The following DACH2 variants were observed in gnomAD, a reference collection of about 807,000 sequenced individuals.
DACH2 encodes the protein dachshund family transcription factor 2.
In DACH2, 17 loss-of-function variants were observed where a neutral mutation model predicts 35.8. That is an observed-to-expected ratio of 0.48 (90% CI 0.33 to 0.71). The LOEUF (loss-of-function observed/expected upper bound fraction) is 0.71, where lower values mean the gene tolerates loss of function less well. Ranked by LOEUF, DACH2 falls within the 30% of genes least tolerant of loss-of-function variation. DACH2 has a pLI of 0.02. For synonymous variants in DACH2, 195 were observed against 177.3 expected, an observed-to-expected ratio of 1.10 and a Z score of -0.79; for missense variants, 469 against 472.7, an observed-to-expected ratio of 0.99 and a Z score of 0.07.
At chrX:86,199,425 C>T (rs1244512760) in intron 1 of DACH2, among the ~76,000 whole-genome samples, 1 of 111,217 alleles carries the variant, frequency 9.0e-6, no homozygotes, top group Non-Finnish European at 1.9e-5. Flanking sequence ...AGCAATCAGG[C>T]AAGAGAAAGA....
At chrX:86,612,126 G>A (rs772883978) in intron 3 of DACH2, among the ~76,000 whole-genome samples, 2 of 108,390 alleles carry the variant, frequency 1.8e-5, no homozygotes, top group South Asian at 4.1e-4. Context: ...CTTCTTGCCC[G>A]GGTTGTGTAT....
chrX:86,411,773 C>T (rs2036618588), intron 2 of DACH2, among the ~76,000 whole-genome samples: 1 of 111,620 alleles, frequency 9.0e-6, no homozygotes, highest in Non-Finnish European at 1.9e-5. Flanking sequence ...CAGCTGGTCA[C>T]GTGGTCATAG....
intron 1 of DACH2, among the ~76,000 whole-genome samples, chrX:86,264,262 C>G (rs1302435954): frequency 8.9e-6 from 1 of 111,768 alleles, no homozygotes; most frequent in East Asian, 2.8e-4. Context: ...AGAGAACATT[C>G]TGAATTAATG....
intron 1 of DACH2, among the ~76,000 whole-genome samples, chrX:86,301,690 TTAA>T (rs1459996837): frequency 8.9e-6 from 1 of 112,001 alleles, no homozygotes; most frequent in Non-Finnish European, 1.9e-5. Context: ...CACTAATAAA[TTAA>T]TAACAGTAGT....
chrX:86,736,195 C>T (rs749920023), intron 6 of DACH2, among the ~76,000 whole-genome samples: 5 of 110,946 alleles, frequency 4.5e-5, no homozygotes, highest in South Asian at 3.8e-4. Flanking sequence ...AATCAATGTA[C>T]GACACTGCAT....
At chrX:86,275,710 C>T in intron 1 of DACH2, among the ~76,000 whole-genome samples, 1 of 111,971 alleles carries the variant, frequency 8.9e-6, no homozygotes, top group South Asian at 3.7e-4. Flanking sequence ...TCCCACTACT[C>T]TTCCTGGCAT....
At chrX:86,212,386 T>G (rs753228273) in intron 1 of DACH2, among the ~76,000 whole-genome samples, 1 of 111,465 alleles carries the variant, frequency 9.0e-6, no homozygotes, top group African/African-American at 3.2e-5. Flanking sequence ...AACTGAGAAA[T>G]TTTTATGAAT....
At chrX:86,829,100 T>C (rs1337053942) in intron 11 of DACH2, 1 of 111,803 alleles carries the variant, frequency 8.9e-6, no homozygotes, top group African/African-American at 3.2e-5. Context: ...TTAATTCATA[T>C]CGATGTGACA....
intron 4 of DACH2, among the ~76,000 whole-genome samples, chrX:86,689,147 A>C (rs1484719275): frequency 1.8e-5 from 2 of 111,967 alleles, no homozygotes; most frequent in Non-Finnish European, 3.8e-5. Context: ...TCAATATTTT[A>C]AAATGAATAA....
chrX:86,813,428 C>G (rs1314223914), intron 9 of DACH2, 151 bp downstream of exon 9: 1 of 382,875 alleles, frequency 2.6e-6, no homozygotes, highest in Non-Finnish European at 3.9e-6. Flanking sequence ...CGGAGAAACC[C>G]CATCTCTACT....
chrX:86,447,219 C>T (rs1193143198), intron 2 of DACH2, among the ~76,000 whole-genome samples: 4 of 90,643 alleles, frequency 4.4e-5, no homozygotes, highest in Non-Finnish European at 6.5e-5. Flanking sequence ...GAGTAGGTTG[C>T]GAAAATTTTC....
intron 3 of DACH2, among the ~76,000 whole-genome samples, chrX:86,605,083 C>A (rs1280061488): frequency 9.0e-6 from 1 of 111,581 alleles, no homozygotes; most frequent in Non-Finnish European, 1.9e-5. Flanking sequence ...TCTAGTGAGT[C>A]CTGTGTTAGA....
rs754429314 is a variant in DACH2 at position 86,514,402 on chromosome X, C to T, written c.640+11C>T. 3.4e-6 allele frequency: 4 copies of T among 1,181,675 alleles called. No homozygotes were observed. The African/African-American group carries it at 5.3e-5, about 16-fold the overall frequency. Reference sequence around the variant, plus strand: ...TTATCACTCCGACAGGTAATAAAATCCATCTGATGATCAGCCATGTCTCTT... The same window carrying T: ...TTATCACTCCGACAGGTAATAAAATTCATCTGATGATCAGCCATGTCTCTT... On this transcript the variant is annotated intron_variant, in intron 3 of 11. Coordinates refer to ENST00000373125, the MANE Select transcript of DACH2 (RefSeq NM_053281.3).
intron 7 of DACH2, among the ~76,000 whole-genome samples, chrX:86,766,811 G>A (rs918239082): frequency 1.0e-4 from 11 of 110,504 alleles, no homozygotes; most frequent in African/African-American, 3.6e-4. Context: ...AGTTTTTCCC[G>A]CCAACAAGAT....
At chrX:86,295,168 G>A (rs753336365) in intron 1 of DACH2, among the ~76,000 whole-genome samples, 2 of 112,590 alleles carry the variant, frequency 1.8e-5, no homozygotes, top group South Asian at 7.4e-4. Context: ...TCGGGTGGGA[G>A]TGACCCGATT....
intron 5 of DACH2, among the ~76,000 whole-genome samples, chrX:86,696,875 G>A (rs2041073605): frequency 9.0e-6 from 1 of 111,475 alleles, no homozygotes; most frequent in South Asian, 3.8e-4. Flanking sequence ...AAGGGGAAAG[G>A]AAAAGTAACA....
intron 1 of DACH2, among the ~76,000 whole-genome samples, chrX:86,178,043 A>G (rs2031362563): frequency 8.9e-6 from 1 of 111,891 alleles, no homozygotes; most frequent in South Asian, 3.7e-4. Flanking sequence ...ATCCGATGAC[A>G]TTAGAACTTC....
intron 7 of DACH2, among the ~76,000 whole-genome samples, chrX:86,777,270 A>T (rs965458770): frequency 9.1e-6 from 1 of 110,358 alleles, no homozygotes; most frequent in Non-Finnish European, 1.9e-5. Flanking sequence ...CTTTTTAATG[A>T]TCGCCATTCT....
chrX:86,603,022 A>G (rs1412570495), intron 3 of DACH2, among the ~76,000 whole-genome samples: 1 of 111,560 alleles, frequency 9.0e-6, no homozygotes. Flanking sequence ...GTTGGCGTAA[A>G]CAACAGAAAT....
Sources: allele counts gnomAD v4.1 joint callset (sites outside exome capture counted in the v4.1 genomes callset), GRCh38; gene constraint gnomAD v4.1.1; transcripts MANE v1.5; gene names NCBI Gene and HGNC (gene_info 2026-07-23, HGNC 2026-07-21).